Variants in XPC observed in about 807,000 individuals in gnomAD.
The protein encoded by XPC is DNA repair protein complementing XP-C cells.
In XPC, 76 loss-of-function variants were observed where a neutral mutation model predicts 95.8. The observed-to-expected ratio is 0.79, with a 90% CI of 0.66 to 0.96. XPC has a LOEUF of 0.96. XPC is among the 40% of genes least tolerant of loss of function. The pLI is 0.00. For synonymous variants in XPC, 442 were observed against 442.1 expected (o/e 1.00, Z 0.00); for missense variants, 1,146 against 1,179.8 (o/e 0.97, Z 0.42).
intron 9 of XPC, 83 bp downstream of exon 9, chr3:14,157,928 T>C (rs1695984743): frequency 6.7e-7 from 1 of 1,496,380 alleles, no homozygotes; most frequent in African/African-American, 1.4e-5. Context: ...AACATAGTGC[T>C]GGGCATATAT....
intron 13 of XPC, chr3:14,148,357 C>T (rs557677068): frequency 1.8e-5 from 13 of 705,786 alleles, no homozygotes; most frequent in Admixed American, 1.2e-4. Context: ...TCCAGCATTA[C>T]GATGCCAGTT....
At chr3:14,166,757 T>C (rs1439013952) in intron 5 of XPC, among the ~76,000 whole-genome samples, 2 of 152,154 alleles carry the variant, frequency 1.3e-5, no homozygotes, top group African/African-American at 2.4e-5. Context: ...TACTCCTCAA[T>C]TGTAGGAAAT....
At chr3:14,172,068 C>A (rs1696637122) in intron 2 of XPC, among the ~76,000 whole-genome samples, 2 of 152,096 alleles carry the variant, frequency 1.3e-5, no homozygotes, top group Admixed American at 1.3e-4. Flanking sequence ...CACCCCTCAA[C>A]TTTCTTAGGA....
At chr3:14,161,485 T>C (rs1426307611) in intron 7 of XPC, among the ~76,000 whole-genome samples, 2 of 151,374 alleles carry the variant, frequency 1.3e-5, no homozygotes, top group African/African-American at 4.9e-5. Flanking sequence ...AAGTGGTACT[T>C]ATCCTAGGAA....
intron 1 of XPC, among the ~76,000 whole-genome samples, chr3:14,178,035 T>C (rs1407418108): frequency 6.6e-6 from 1 of 152,172 alleles, no homozygotes; most frequent in African/African-American, 2.4e-5. Flanking sequence ...CTATCAAATA[T>C]CCATGAGGGG....
rs755922992 is a variant in XPC at position 14,146,094 on chromosome 3, G to A, written c.2670C>T (p.Thr890=). 1.2e-6 allele frequency: 2 copies of A among 1,611,950 alleles called. No homozygotes were observed. The highest frequency in any genetic ancestry group is 2.2e-5 in the East Asian group (1 of 44,820). Residue 890 remains threonine (T), a synonymous_variant, in exon 16 of 16, where the codon ACC becomes ACT. Transcript: ENST00000285021. The part of the protein sequence containing the change: ...GGLSSDEEEG[T]SSQAEAARIL... ...TCCTGGCCGCTTCTGCTTGAGAGCTGGTCCCCTCCTCTTCATCAGAAGAGA... is the reference window on the plus strand; with the variant it reads ...TCCTGGCCGCTTCTGCTTGAGAGCTAGTCCCCTCCTCTTCATCAGAAGAGA...
intron 2 of XPC, among the ~76,000 whole-genome samples, chr3:14,172,522 G>C (rs902240314): frequency 1.1e-4 from 16 of 152,180 alleles, no homozygotes; most frequent in African/African-American, 2.9e-4. Context: ...GAGCGTGCTT[G>C]AGGACAGTAG....
At chr3:14,167,579 C>G (rs1696434227) in intron 4 of XPC, among the ~76,000 whole-genome samples, 1 of 152,214 alleles carries the variant, frequency 6.6e-6, no homozygotes, top group Admixed American at 6.5e-5. Flanking sequence ...ACTACTGACT[C>G]TCTCCTTAGC....
intron 1 of XPC, among the ~76,000 whole-genome samples, chr3:14,177,461 T>G (rs893429189): frequency 5.3e-5 from 8 of 152,014 alleles, no homozygotes; most frequent in African/African-American, 1.9e-4. Flanking sequence ...GTAAAAGCCA[T>G]GGGGGGTTCA....
Position 14,158,952 on chromosome 3 carries a change from T to C in XPC, c.991-60A>G, listed in dbSNP as rs1282919987. On this transcript the variant is annotated intron_variant, in intron 8 of 15. Transcript: ENST00000285021. This position sits in a 1 kb window ranked among gnomAD's most constrained non-coding sequence, Gnocchi z 5.2. ...CCCCCCTCTTTTGCTAATGATATGA[T>C]AGAAATCCTGTAATCTAATAGGGTT... The C allele has an allele frequency of 1.1e-5, 17 of 1,603,390 alleles. No individual in the cohort carries two copies. In the African/African-American group the frequency reaches 1.9e-4, roughly 18 times the overall value.
Position 14,177,786 on chromosome 3 carries a change from T to C in XPC, c.103+680A>G, listed in dbSNP as rs60464371. 2.8e-3 allele frequency among the ~76,000 whole-genome samples: 429 copies of C among 151,506 alleles called. 4 individuals carry two copies. Among genetic ancestry groups the C allele is most frequent in the African/African-American group, 9.9e-3 (406 of 41,216 alleles). ...AAAGAGGAAACTGCAGTCACTCAAC[T>C]GAAAGGTGATGATGACTTGGACAGG... On this transcript the variant is annotated intron_variant, in intron 1 of 15. Coordinates refer to ENST00000285021, the MANE Select transcript of XPC (RefSeq NM_004628.5).
intron 5 of XPC, 58 bp downstream of exon 5, chr3:14,167,111 A>G: frequency 2.1e-6 from 3 of 1,439,312 alleles, no homozygotes; most frequent in Admixed American, 4.7e-5. Flanking sequence ...AGCCTCGGTG[A>G]GCACAAGCTC....
intron 1 of XPC, among the ~76,000 whole-genome samples, chr3:14,177,093 A>T (rs552335002): frequency 1.6e-3 from 194 of 123,170 alleles, no homozygotes; most frequent in African/African-American, 5.3e-3. Flanking sequence ...CGAAAAAAAT[A>T]AAAAATAAAT....
In XPC at chr3:14,158,548, A is replaced by T; in HGVS notation, c.1335T>A (p.Phe445Leu). 6.2e-7 allele frequency: 1 copy of T among 1,613,536 alleles called. No homozygotes were observed. Among genetic ancestry groups the T allele is most frequent in the Non-Finnish European group, 8.5e-7 (1 of 1,179,844 alleles). ...GSDEAGSGSD[F>L]ELSSGEASDP... ...CAGAGGCTTCTCCACTGGAGAGCTCAAAATCAGAGCCGCTGCCAGCCTCAT... is the reference window on the plus strand; with the variant it reads ...CAGAGGCTTCTCCACTGGAGAGCTCTAAATCAGAGCCGCTGCCAGCCTCAT... Residue 445 changes from phenylalanine (F) to leucine (L), a missense_variant, in exon 9 of 16, where the codon TTT becomes TTA. Phe to Leu is a conservative substitution (Grantham distance 22). Coordinates refer to ENST00000285021, the MANE Select transcript of XPC (RefSeq NM_004628.5). This position sits in a 1 kb window ranked among gnomAD's most constrained non-coding sequence, Gnocchi z 5.2.
chr3:14,150,345 ATTC>A (rs1223939281), intron 11 of XPC, among the ~76,000 whole-genome samples: 5 of 152,214 alleles, frequency 3.3e-5, no homozygotes, highest in African/African-American at 7.2e-5. Flanking sequence ...TCCATCACAT[ATTC>A]TTTATTCTTC....
intron 1 of XPC, 111 bp from the exon 2 acceptor site, chr3:14,173,173 C>T (rs1317934993): frequency 9.5e-7 from 1 of 1,057,092 alleles, no homozygotes; most frequent in Non-Finnish European, 1.3e-6. Context: ...AACCCCATCT[C>T]CATCACTGGT....
In XPC at chr3:14,158,247, C is replaced by A; in HGVS notation, c.1636G>T (p.Asp546Tyr). 6.2e-7 allele frequency: 1 copy of A among 1,614,026 alleles called. No individual in the cohort carries two copies. Among genetic ancestry groups the A allele is most frequent in the Non-Finnish European group, 8.5e-7 (1 of 1,179,898 alleles). ...CEQEEKWVCV[D>Y]CVHGVVGQPL... ...TGGCCCACCACACCGTGCACACAGT[C>A]TACACATACCCACTTTTCCTCCTGC... is the stretch of plus-strand genomic sequence containing the variant. The change falls in exon 9 of 16, where the codon GAC (aspartate) becomes TAC (tyrosine). Residue 546 changes from aspartate (D) to tyrosine (Y), a missense_variant. By Grantham distance (160) the Asp-to-Tyr change is radical. Transcript: ENST00000285021. The surrounding 1 kb of genome is among the most constrained non-coding windows in gnomAD (Gnocchi z 5.2).
At chr3:14,152,130 C>G (rs1382670830) in intron 11 of XPC, 5 of 525,210 alleles carry the variant, frequency 9.5e-6, no homozygotes, top group African/African-American at 7.9e-5. Context: ...TTGGAAGATC[C>G]ATTTCTTACA....
intron 7 of XPC, chr3:14,164,550 ACAC>A (rs980103561): frequency 1.5e-5 from 5 of 335,332 alleles, no homozygotes; most frequent in African/African-American, 4.3e-5. Flanking sequence ...GCTTTTTGGT[ACAC>A]CACAACTAGA....
Sources: gnomAD v4.1 joint callset for allele counts (sites outside exome capture counted in the v4.1 genomes callset) on GRCh38, gnomAD v4.1.1 for gene constraint, Gnocchi (gnomAD v3.1) non-coding constraint, MANE v1.5 for transcripts, NCBI Gene and HGNC (gene_info 2026-07-23, HGNC 2026-07-21) for gene names.